Variants in DYNC2H1 observed in about 807,000 individuals in gnomAD.
The protein encoded by DYNC2H1 is dynein cytoplasmic 2 heavy chain 1, also known as cytoplasmic dynein 2 heavy chain 1.
In DYNC2H1, 410 loss-of-function variants were observed where a neutral mutation model predicts 570.0. The ratio of observed to expected loss-of-function variants is 0.72; its 90% CI spans 0.66 to 0.78. The LOEUF is 0.78. DYNC2H1 is among the 30% of genes least tolerant of loss of function. The pLI is 0.00. For synonymous variants in DYNC2H1, 1,688 were observed against 1,677.6 expected, an observed-to-expected ratio of 1.01 and a Z score of -0.15; for missense variants, 4,865 against 5,046.4, an observed-to-expected ratio of 0.96 and a Z score of 1.09.
chr11:103,286,579 CACTG>C (rs1277518623), intron 74 of DYNC2H1, among the ~76,000 whole-genome samples, 193 bp downstream of exon 74: 1 of 152,178 alleles, frequency 6.6e-6, no homozygotes, highest in Non-Finnish European at 1.5e-5. Flanking sequence ...GTTTCTCTCT[CACTG>C]TGGCTTTTTT....
At chr11:103,175,863 T>C (rs963662745) in intron 36 of DYNC2H1, among the ~76,000 whole-genome samples, 29 of 152,264 alleles carry the variant, frequency 1.9e-4, no homozygotes, top group African/African-American at 6.3e-4. Flanking sequence ...ATGTGTAAAA[T>C]TGGAATAACA....
intron 82 of DYNC2H1, among the ~76,000 whole-genome samples, chr11:103,357,026 T>C (rs1302547902): frequency 6.6e-6 from 1 of 152,134 alleles, no homozygotes; most frequent in East Asian, 1.9e-4. Flanking sequence ...TTGTTTATTT[T>C]AGACAAACAG....
chr11:103,387,140 C>A (rs920153918), intron 83 of DYNC2H1, among the ~76,000 whole-genome samples: 52 of 152,288 alleles, frequency 3.4e-4, no homozygotes, highest in Admixed American at 4.6e-4. Context: ...GCTCCTATTT[C>A]TCCACATCCT....
intron 82 of DYNC2H1, among the ~76,000 whole-genome samples, chr11:103,335,331 T>G (rs555789519): frequency 2.6e-5 from 4 of 152,204 alleles, no homozygotes; most frequent in East Asian, 1.9e-4. Context: ...CCTTAAGTTT[T>G]TACATAACAG....
rs1471433854 is a variant in DYNC2H1 at position 103,269,969 on chromosome 11, G to A, written c.10695+9992G>A. On this transcript the variant is annotated intron_variant, in intron 70 of 88. Coordinates refer to ENST00000375735, the MANE Select transcript of DYNC2H1 (RefSeq NM_001377.3). ...CAGCACTTTGGGAGTCAAGGCAGGC[G>A]GATCACCTGAGGTCAGGATTTGAGA... is the stretch of plus-strand genomic sequence containing the variant. Among the ~76,000 whole-genome samples, 9 of 151,922 alleles carry A rather than the reference G, an allele frequency of 5.9e-5. 1 individual carries two copies. In the South Asian group the frequency reaches 6.2e-4, roughly 10 times the overall value.
chr11:103,186,198 A>T lies in DYNC2H1; in HGVS notation c.6634-44A>T. 6 of 1,567,258 alleles carry T rather than the reference A, an allele frequency of 3.8e-6. No individual in the cohort carries two copies. The highest frequency in any genetic ancestry group is 5.2e-6 in the Non-Finnish European group (6 of 1,153,272). On this transcript the variant is annotated intron_variant, in intron 41 of 88. Transcript: ENST00000375735. The surrounding 1 kb of genome is among the most constrained non-coding windows in gnomAD (Gnocchi z 4.5). ...TTGGAAGAATTTTAAAATGTCACACACTCTGGAGTATGTGAAAACTTATCA... is the reference window on the plus strand; with the variant it reads ...TTGGAAGAATTTTAAAATGTCACACTCTCTGGAGTATGTGAAAACTTATCA...
chr11:103,154,911 A>G, intron 24 of DYNC2H1, 102 bp downstream of exon 24: 1 of 861,234 alleles, frequency 1.2e-6, no homozygotes, highest in Admixed American at 3.7e-5. Context: ...TTTTTCAATT[A>G]AATTATTCCG....
intron 75 of DYNC2H1, among the ~76,000 whole-genome samples, chr11:103,290,690 ATC>A (rs756588180): frequency 1.3e-5 from 2 of 151,924 alleles, no homozygotes; most frequent in Non-Finnish European, 2.9e-5. Flanking sequence ...CCCTACTCCT[ATC>A]TCTCTGTTTC....
chr11:103,280,472 A>T lies in DYNC2H1; in HGVS notation c.10761+59A>T. The T allele has an allele frequency of 7.4e-7, 1 of 1,356,302 alleles. No individual in the cohort carries two copies. The highest frequency in any genetic ancestry group is 1.0e-6 in the Non-Finnish European group (1 of 972,508). The allele number at this position is 1,356,302 out of a possible 1,614,324, so 84.0% of individuals were successfully genotyped here. A position where few individuals can be genotyped will look rare whatever the true frequency, so the allele number is the denominator to read the frequency against. Reference sequence around the variant, plus strand: ...AACATAGAAATTTGTTAATGGGTGGATTTATGTTTAGATTAGAAATTATTT... The same window carrying T: ...AACATAGAAATTTGTTAATGGGTGGTTTTATGTTTAGATTAGAAATTATTT... On this transcript the variant is annotated intron_variant, in intron 71 of 88. Coordinates refer to ENST00000375735, the MANE Select transcript of DYNC2H1 (RefSeq NM_001377.3). The surrounding 1 kb of genome is among the most constrained non-coding windows in gnomAD (Gnocchi z 4.7).
In DYNC2H1 at chr11:103,254,107, A is replaced by T. The variant is rs1413679617; in HGVS notation, c.10206+659A>T. 1.3e-5 allele frequency among the ~76,000 whole-genome samples: 2 copies of T among 152,004 alleles called. No homozygotes were observed. Among genetic ancestry groups the T allele is most frequent in the Non-Finnish European group, 2.9e-5 (2 of 67,964 alleles). ...AGCATACATATTTGCTGCAATTTTT[A>T]CTTGATTGTAATTTTTAAAATTGTC... On this transcript the variant is annotated intron_variant, in intron 66 of 88. Coordinates refer to ENST00000375735, the MANE Select transcript of DYNC2H1 (RefSeq NM_001377.3). The surrounding 1 kb of genome is among the most constrained non-coding windows in gnomAD (Gnocchi z 4.9).
At chr11:103,410,622 G>A (rs1420206678) in intron 84 of DYNC2H1, among the ~76,000 whole-genome samples, 1 of 152,114 alleles carries the variant, frequency 6.6e-6, no homozygotes, top group Non-Finnish European at 1.5e-5. Context: ...GCTAAGCATA[G>A]TGGGGTATCT....
intron 70 of DYNC2H1, among the ~76,000 whole-genome samples, chr11:103,263,579 A>G (rs1289380261): frequency 6.6e-6 from 1 of 152,218 alleles, no homozygotes; most frequent in Non-Finnish European, 1.5e-5. Context: ...GCACAACTAC[A>G]TGGAAACTGA....
At chr11:103,425,109 T>A (rs1172521587) in intron 84 of DYNC2H1, among the ~76,000 whole-genome samples, 2 of 152,142 alleles carry the variant, frequency 1.3e-5, no homozygotes, top group African/African-American at 2.4e-5. Flanking sequence ...CTAATTTTTT[T>A]ATTTTCTGTA....
Position 103,334,003 on chromosome 11 carries a change from G to A in DYNC2H1, c.12039+10013G>A, listed in dbSNP as rs941348755. Among the ~76,000 whole-genome samples the A allele has an allele frequency of 5.9e-5, 9 of 151,894 alleles. No homozygotes were observed. The highest frequency in any genetic ancestry group is 8.8e-5 in the Non-Finnish European group (6 of 67,980). On this transcript the variant is annotated intron_variant, in intron 82 of 88. Coordinates refer to ENST00000375735, the MANE Select transcript of DYNC2H1 (RefSeq NM_001377.3). The surrounding 1 kb of genome is among the most constrained non-coding windows in gnomAD (Gnocchi z 4.3). ...TTAAATGTTTGCATTTGTTAATAAC[G>A]ATTCAGTGATGGCACATTCTCTAGG... is the stretch of plus-strand genomic sequence containing the variant.
intron 80 of DYNC2H1, among the ~76,000 whole-genome samples, chr11:103,317,964 G>C (rs1937953622): frequency 1.3e-5 from 2 of 151,998 alleles, no homozygotes; most frequent in Admixed American, 6.6e-5. Context: ...CTCGTTAACT[G>C]TGTATATCCT....
rs1378229123 is a variant in DYNC2H1, at chr11:103,239,696, A to G, written c.9819+3157A>G. ...GTGTGTGTAACCTTATTTATTTTAT[A>G]TTCTTGTTAATGTAACTCTCCTTAG... On this transcript the variant is annotated intron_variant, in intron 63 of 88. Transcript: ENST00000375735. This position sits in a 1 kb window ranked among gnomAD's most constrained non-coding sequence, Gnocchi z 4.3. Among the ~76,000 whole-genome samples, 1 of 151,214 alleles carries G rather than the reference A, an allele frequency of 6.6e-6. No individual in the cohort carries two copies. The highest frequency in any genetic ancestry group is 2.4e-5 in the African/African-American group (1 of 41,004).
chr11:103,233,847 T>C (rs2135192878), intron 60 of DYNC2H1, among the ~76,000 whole-genome samples, 187 bp from the exon 61 acceptor site: 1 of 96,164 alleles, frequency 1.0e-5, no homozygotes, highest in Non-Finnish European at 2.4e-5. Context: ...TGTGTGTGTG[T>C]GTGTGTGTGT....
chr11:103,156,729 A>T lies in DYNC2H1; in HGVS notation c.4086A>T (p.Pro1362=). 2 of 1,613,268 alleles carry T rather than the reference A, an allele frequency of 1.2e-6. No homozygotes were observed. Among genetic ancestry groups the T allele is most frequent in the Non-Finnish European group, 1.7e-6 (2 of 1,179,636 alleles). The change falls in exon 26 of 89, where the codon CCA becomes CCT. Residue 1362 remains proline (P), a synonymous_variant. Transcript: ENST00000375735. The part of the protein sequence containing the change: ...LEPIFGRGAL[P]KEQTRFNRVD... ...CCATTTTCGGCCGTGGAGCATTGCC[A>T]AAAGAACAGACACGCTTCAACAGAG...
chr11:103,117,779 G>A lies in DYNC2H1; in HGVS notation c.915G>A (p.Val305=), dbSNP rs1441685092. The stretch of plus-strand genomic sequence containing the variant: ...TCTGTAATCATCTAACAGGTCAGGT[G>A]TGGCAGCGCTATGTTCCTCATCCAT... ...VIVCNHLTGQ[V]WQRYVPHPWK... The change falls in exon 6 of 89, where the codon GTG becomes GTA. Residue 305 remains valine, a synonymous_variant. Coordinates refer to ENST00000375735, the MANE Select transcript of DYNC2H1 (RefSeq NM_001377.3). 5.6e-6 allele frequency: 9 copies of A among 1,613,424 alleles called. No homozygotes were observed. The South Asian group carries it at 7.7e-5, about 14-fold the overall frequency.
Sources: gnomAD v4.1 joint callset for allele counts (sites outside exome capture counted in the v4.1 genomes callset) on GRCh38, gnomAD v4.1.1 for gene constraint, Gnocchi (gnomAD v3.1) non-coding constraint, MANE v1.5 for transcripts, NCBI Gene and HGNC (gene_info 2026-07-23, HGNC 2026-07-21) for gene names.